Variants in NETO1 observed in about 807,000 individuals in gnomAD.
NETO1 encodes the protein neuropilin and tolloid like 1.
Under a neutral mutation model 61.3 loss-of-function variants are expected in NETO1, and 26 were observed. The observed-to-expected ratio is 0.42, with a 90% confidence interval of 0.31 to 0.59. The LOEUF is 0.59. Among genes scored for constraint, NETO1 ranks in the 20% least tolerant of loss-of-function variants. The pLI is 0.12. For missense variants in NETO1, 531 were observed against 662.8 expected, an observed-to-expected ratio of 0.80 and a Z score of 2.18; for synonymous variants, 225 against 225.8, an observed-to-expected ratio of 1.00 and a Z score of 0.03.
At chr18:72,806,078 G>A (rs1014828995) in intron 4 of NETO1, among the ~76,000 whole-genome samples, 6 of 152,004 alleles carry the variant, frequency 3.9e-5, no homozygotes, top group Non-Finnish European at 7.4e-5. Context: ...TGGGGGGTGG[G>A]TTGGTAGACG....
intron 1 of NETO1, chr18:72,866,631 T>G: frequency 1.2e-6 from 1 of 825,598 alleles, no homozygotes; most frequent in Non-Finnish European, 1.5e-6. Context: ...CATCTTTGCT[T>G]AGTAATGATA....
At chr18:72,808,071 CCATT>C (rs2072739055) in intron 4 of NETO1, among the ~76,000 whole-genome samples, 1 of 152,136 alleles carries the variant, frequency 6.6e-6, no homozygotes, top group Non-Finnish European at 1.5e-5. Flanking sequence ...TAAAACGCCT[CCATT>C]ATTATCCTCT....
rs754536820 is a variant in NETO1 at position 72,864,802 on chromosome 18, C to T, written c.220+6G>A. On this transcript the variant is annotated splice_donor_region_variant and intron_variant, in intron 3 of 10. Coordinates refer to ENST00000327305, the MANE Select transcript of NETO1 (RefSeq NM_138966.5). The stretch of plus-strand genomic sequence containing the variant: ...CTTTCTTAACTCTGGCACTGTCTCC[C>T]CTTACCTTCTATGATGTAGATGCAT... The T allele has an allele frequency of 1.9e-6, 3 of 1,613,676 alleles. No individual in the cohort carries two copies. The highest frequency in any genetic ancestry group is 4.5e-5 in the East Asian group (2 of 44,874).
Position 72,864,868 on chromosome 18 carries a change from T to C in NETO1, c.160A>G (p.Thr54Ala), listed in dbSNP as rs768756417. The change falls in exon 3 of 11, where the codon ACC becomes GCC. Residue 54 changes from threonine to alanine, a missense_variant. Transcript: ENST00000327305. ...WTKHAEGGIF[T>A]SPNYPSKYPP... Reference sequence around the variant, plus strand: ...TACTTGCTGGGATAGTTGGGAGAGGTAAAGATACCTCCCTCTGCATGTTTT... The same window carrying C: ...TACTTGCTGGGATAGTTGGGAGAGGCAAAGATACCTCCCTCTGCATGTTTT... The C allele has an allele frequency of 3.1e-6, 5 of 1,613,780 alleles. No individual in the cohort carries two copies. In the East Asian group the frequency reaches 1.1e-4, roughly 36 times the overall value.
intron 7 of NETO1, among the ~76,000 whole-genome samples, chr18:72,777,852 C>T (rs1478189847): frequency 2.0e-5 from 3 of 152,154 alleles, no homozygotes; most frequent in East Asian, 1.9e-4. Context: ...CCACAGCCTT[C>T]GTAGGTTGAA....
chr18:72,784,022 T>C, intron 6 of NETO1, 116 bp from the exon 7 acceptor site: 1 of 689,404 alleles, frequency 1.5e-6, no homozygotes, highest in Non-Finnish European at 2.5e-6. Flanking sequence ...ATCAATCTTA[T>C]TATTTTCCCT....
chr18:72,789,103 G>C (rs17294904), intron 6 of NETO1, among the ~76,000 whole-genome samples: 12,229 of 152,076 alleles, frequency 0.08, 670 homozygotes, highest in Middle Eastern at 0.19. Flanking sequence ...GACATGTCAG[G>C]TTTATAAACT....
Position 72,781,306 on chromosome 18 carries a change from T to C in NETO1, c.868+2372A>G, listed in dbSNP as rs559057197. ...GACAGATAAGAATACTGAATAAATA[T>C]AGAACCCTGAAATTCCCTCACTGAA... On this transcript the variant is annotated intron_variant, in intron 7 of 10. Transcript: ENST00000327305. 7.2e-5 allele frequency among the ~76,000 whole-genome samples: 11 copies of C among 152,282 alleles called. No homozygotes were observed. In the South Asian group the frequency reaches 2.1e-3, roughly 29 times the overall value.
Position 72,763,501 on chromosome 18 carries a change from G to A in NETO1, c.869-7354C>T, listed in dbSNP as rs141251252. On this transcript the variant is annotated intron_variant, in intron 7 of 10. Transcript: ENST00000327305. ...TTTAACTTCTTTAATTTTGAGCTTC[G>A]TCTAAAACACCCAGCTCTGTGCTGG... Among the ~76,000 whole-genome samples, 327 of 151,986 alleles carry A rather than the reference G, an allele frequency of 2.2e-3. 2 individuals are homozygous for A. The highest frequency in any genetic ancestry group is 7.2e-3 in the African/African-American group (299 of 41,454).
intron 1 of NETO1, chr18:72,867,043 C>T: frequency 2.1e-6 from 1 of 468,026 alleles, no homozygotes; most frequent in Non-Finnish European, 3.7e-6. Flanking sequence ...AAAGACCGTT[C>T]TCCGGCAGGT....
At chr18:72,777,470 G>A (rs1160688333) in intron 7 of NETO1, among the ~76,000 whole-genome samples, 14 of 144,566 alleles carry the variant, frequency 9.7e-5, no homozygotes, top group African/African-American at 2.6e-4. Context: ...GGCCGGGCGC[G>A]GTGGCTCATG....
intron 4 of NETO1, among the ~76,000 whole-genome samples, chr18:72,827,120 A>G (rs2073402762): frequency 6.7e-6 from 1 of 148,640 alleles, no homozygotes; most frequent in Non-Finnish European, 1.5e-5. Flanking sequence ...TCCGTAAGTT[A>G]CCTGGTTTAA....
chr18:72,867,208 A>G (rs2074766998), intron 1 of NETO1, 56 bp downstream of exon 1: 2 of 1,361,464 alleles, frequency 1.5e-6, no homozygotes, highest in African/African-American at 1.5e-5. Flanking sequence ...GGCCCCGGGA[A>G]AGGGGCGGGA....
chr18:72,853,997 G>T (rs923372940), intron 4 of NETO1, among the ~76,000 whole-genome samples: 1 of 151,868 alleles, frequency 6.6e-6, no homozygotes. Context: ...ATATTGCACC[G>T]AATATTTGAA....
Position 72,798,243 on chromosome 18 carries a change from T to C in NETO1, c.470-3839A>G, listed in dbSNP as rs560082877. ...CCTCCTGTCAAGTCAGCAGCAGCAT[T>C]AGATTCTCATAGGAGCTTCAACCCT... is the stretch of plus-strand genomic sequence containing the variant. On this transcript the variant is annotated intron_variant, in intron 4 of 10. Transcript: ENST00000327305. Among the ~76,000 whole-genome samples, 239 of 152,234 alleles carry C rather than the reference T, an allele frequency of 1.6e-3. No homozygotes were observed. In the Middle Eastern group the frequency reaches 0.02, roughly 13 times the overall value.
intron 7 of NETO1, among the ~76,000 whole-genome samples, chr18:72,756,396 T>C (rs1214917787): frequency 6.6e-6 from 1 of 152,132 alleles, no homozygotes; most frequent in Non-Finnish European, 1.5e-5. Context: ...ATCATTAAAA[T>C]GAAGAACATT....
rs376489509 is a variant in NETO1 at position 72,798,008 on chromosome 18, A to T, written c.470-3604T>A. Among the ~76,000 whole-genome samples, 5 of 152,316 alleles carry T rather than the reference A, an allele frequency of 3.3e-5. No individual in the cohort carries two copies. In the East Asian group the frequency reaches 7.7e-4, roughly 24 times the overall value. On this transcript the variant is annotated intron_variant, in intron 4 of 10. Coordinates refer to ENST00000327305, the MANE Select transcript of NETO1 (RefSeq NM_138966.5). Reference sequence around the variant, plus strand: ...CTAATTTTACCTCCCTCATGTTATTACAATTACAATTTACAATTATTTAAC... The same window carrying T: ...CTAATTTTACCTCCCTCATGTTATTTCAATTACAATTTACAATTATTTAAC...
Position 72,830,261 on chromosome 18 carries a change from C to A in NETO1, c.469+28565G>T, listed in dbSNP as rs547058442. Among the ~76,000 whole-genome samples, 1 of 152,006 alleles carries A rather than the reference C, an allele frequency of 6.6e-6. No homozygotes were observed. Among genetic ancestry groups the A allele is most frequent in the African/African-American group, 2.4e-5 (1 of 41,374 alleles). On this transcript the variant is annotated intron_variant, in intron 4 of 10. Transcript: ENST00000327305. The surrounding 1 kb of genome is among the most constrained non-coding windows in gnomAD (Gnocchi z 4.9). ...GCAGTGCTATCTTGGTGCCGGCTTG[C>A]GAGAGTAGGCATGGTGCTAACAAAA...
At chr18:72,783,572 A>C in intron 7 of NETO1, 106 bp downstream of exon 7, 1 of 875,294 alleles carries the variant, frequency 1.1e-6, no homozygotes, top group Admixed American at 2.2e-5. Context: ...ATATTAGAGA[A>C]TAGCCTGCTG....
Sources: allele counts gnomAD v4.1 joint callset (sites outside exome capture counted in the v4.1 genomes callset), GRCh38; gene constraint gnomAD v4.1.1; non-coding constraint Gnocchi (gnomAD v3.1); transcripts MANE v1.5; gene names NCBI Gene and HGNC (gene_info 2026-07-23, HGNC 2026-07-21).